The following LPP variants were observed in gnomAD, a reference collection of about 807,000 sequenced individuals.
The protein encoded by LPP is LIM domain containing preferred translocation partner in lipoma, also known as lipoma-preferred partner.
A neutral mutation model predicts 60.4 loss-of-function variants in LPP; 38 were observed. The ratio of observed to expected loss-of-function variants is 0.63; its 90% CI spans 0.49 to 0.83. The LOEUF is 0.83. Ranked by LOEUF, LPP falls within the 40% of genes least tolerant of loss-of-function variation. The probability of loss-of-function intolerance (pLI) is 0.00; values close to 1 mark genes in which losing one functional copy is unlikely to be tolerated. For synonymous variants in LPP, 328 were observed against 290.8 expected (o/e 1.13, Z -1.30); for missense variants, 902 against 783.6 (o/e 1.15, Z -1.80).
intron 3 of LPP, among the ~76,000 whole-genome samples, chr3:188,344,242 TTTA>T (rs1763759028): frequency 6.6e-6 from 1 of 152,204 alleles, no homozygotes; most frequent in African/African-American, 2.4e-5. Flanking sequence ...GAGTGAATTG[TTTA>T]TTATAATTTG....
At chr3:188,566,265 G>A (rs1832127081) in intron 6 of LPP, among the ~76,000 whole-genome samples, 1 of 151,816 alleles carries the variant, frequency 6.6e-6, no homozygotes, top group Non-Finnish European at 1.5e-5. Context: ...AGGTGATCTG[G>A]AATATCATAT....
At chr3:188,764,360 A>T (rs1733341574) in intron 9 of LPP, among the ~76,000 whole-genome samples, 1 of 152,156 alleles carries the variant, frequency 6.6e-6, no homozygotes, top group Non-Finnish European at 1.5e-5. Flanking sequence ...GTATACATGA[A>T]ATTATTTACT....
Position 188,358,235 on chromosome 3 carries a change from T to A in LPP, c.-10+16516T>A, listed in dbSNP as rs147857850. ...TGCCCAAGGTTACATAATAATAATA[T>A]AATAGCTAAAGCCAGGATATGAACT... On this transcript the variant is annotated intron_variant, in intron 3 of 11. Coordinates refer to ENST00000617246, the MANE Select transcript of LPP (RefSeq NM_001375462.1). Among the ~76,000 whole-genome samples, 974 of 152,300 alleles carry A rather than the reference T, an allele frequency of 6.4e-3. 10 individuals are homozygous for A. The highest frequency in any genetic ancestry group is 0.022 in the African/African-American group (911 of 41,578).
chr3:188,447,547 T>G (rs1240996752), intron 4 of LPP, among the ~76,000 whole-genome samples: 4 of 147,894 alleles, frequency 2.7e-5, no homozygotes, highest in Non-Finnish European at 5.9e-5. Flanking sequence ...GAGGCAGAGG[T>G]TGCAGTGAGC....
intron 4 of LPP, among the ~76,000 whole-genome samples, chr3:188,413,157 A>T (rs1012693932): frequency 3.3e-5 from 5 of 152,086 alleles, no homozygotes; most frequent in Non-Finnish European, 5.9e-5. Flanking sequence ...AGGGAAATGG[A>T]TGTCCACTTA....
At chr3:188,857,880 G>A (rs1243857923) in intron 9 of LPP, among the ~76,000 whole-genome samples, 3 of 152,108 alleles carry the variant, frequency 2.0e-5, no homozygotes, top group Admixed American at 1.3e-4. Flanking sequence ...AATGATCAAA[G>A]GATGACAAGT....
chr3:188,433,340 T>C (rs541254889), intron 4 of LPP, among the ~76,000 whole-genome samples: 1 of 152,176 alleles, frequency 6.6e-6, no homozygotes, highest in South Asian at 2.1e-4. Flanking sequence ...GTTAAGAAAG[T>C]CAATCATTTT....
At chr3:188,163,048 C>T (rs936433137) in intron 1 of LPP, among the ~76,000 whole-genome samples, 16 of 152,256 alleles carry the variant, frequency 1.1e-4, no homozygotes, top group South Asian at 6.2e-4. Context: ...CCAGGTTGTG[C>T]GCTGATTTGT....
At chr3:188,578,273 C>A (rs549566685) in intron 6 of LPP, among the ~76,000 whole-genome samples, 3 of 151,934 alleles carry the variant, frequency 2.0e-5, no homozygotes, top group Non-Finnish European at 4.4e-5. Context: ...CTTTCCTTCT[C>A]TTCCTTTCCT....
At chr3:188,552,374 G>A (rs942847165) in intron 6 of LPP, among the ~76,000 whole-genome samples, 2 of 152,148 alleles carry the variant, frequency 1.3e-5, no homozygotes, top group Admixed American at 6.5e-5. Flanking sequence ...GATGCCATAA[G>A]GACCATTAAC....
chr3:188,242,504 A>G (rs1023248522), intron 2 of LPP, among the ~76,000 whole-genome samples: 1 of 152,184 alleles, frequency 6.6e-6, no homozygotes, highest in Admixed American at 6.5e-5. Flanking sequence ...ACTATTTGCA[A>G]GCATTTTCAT....
At chr3:188,659,839 CAT>C (rs1491548636) in intron 7 of LPP, among the ~76,000 whole-genome samples, 5,045 of 72,676 alleles carry the variant, frequency 0.069, 95 homozygotes, top group East Asian at 0.21. Context: ...CACACACACA[CAT>C]CATTTAAGAA....
chr3:188,267,250 C>T (rs1019571907), intron 2 of LPP, among the ~76,000 whole-genome samples: 12 of 152,190 alleles, frequency 7.9e-5, no homozygotes, highest in African/African-American at 2.9e-4. Context: ...TGACCTCGCT[C>T]ACTGCTGTGC....
chr3:188,240,570 C>G (rs1412535747), intron 2 of LPP, among the ~76,000 whole-genome samples: 2 of 152,244 alleles, frequency 1.3e-5, no homozygotes, highest in Admixed American at 1.3e-4. Flanking sequence ...TTTATTCAAA[C>G]TCATTCCACT....
At chr3:188,188,497 G>T (rs4686477) in intron 1 of LPP, among the ~76,000 whole-genome samples, 17,146 of 151,898 alleles carry the variant, frequency 0.11, 1,774 homozygotes, top group East Asian at 0.46. Context: ...ATTATTTGGC[G>T]AAGTGTTATT....
At chr3:188,275,981 A>G (rs769958240) in intron 2 of LPP, among the ~76,000 whole-genome samples, 8 of 152,150 alleles carry the variant, frequency 5.3e-5, no homozygotes, top group Non-Finnish European at 1.2e-4. Flanking sequence ...GCCTCCAGGA[A>G]CTTTTCTAGG....
intron 9 of LPP, among the ~76,000 whole-genome samples, chr3:188,815,906 G>T (rs1162844659): frequency 6.6e-6 from 1 of 152,098 alleles, no homozygotes; most frequent in East Asian, 1.9e-4. Context: ...TTCATTACTG[G>T]GGTCTTTGTA....
chr3:188,471,124 A>G (rs955698261), intron 4 of LPP, among the ~76,000 whole-genome samples: 3 of 152,152 alleles, frequency 2.0e-5, no homozygotes, highest in Non-Finnish European at 2.9e-5. Context: ...TCAATTGACC[A>G]TATATTAGAG....
At chr3:188,529,833 C>T (rs1222888282) in intron 6 of LPP, among the ~76,000 whole-genome samples, 2 of 152,122 alleles carry the variant, frequency 1.3e-5, no homozygotes, top group African/African-American at 2.4e-5. Flanking sequence ...GAGATAAGCC[C>T]GTAAGTAACC....
Sources: gnomAD v4.1 joint callset for allele counts (sites outside exome capture counted in the v4.1 genomes callset) on GRCh38, gnomAD v4.1.1 for gene constraint, MANE v1.5 for transcripts, NCBI Gene and HGNC (gene_info 2026-07-23, HGNC 2026-07-21) for gene names.